Variants in CFH observed in about 807,000 individuals in gnomAD.
The protein encoded by CFH is complement factor H, also known as H factor 1 (complement).
A neutral mutation model predicts 147.3 loss-of-function variants in CFH; 53 were observed. That is an observed-to-expected ratio of 0.36 (90% CI 0.29 to 0.45). The LOEUF (loss-of-function observed/expected upper bound fraction) is 0.45. Among genes scored for constraint, CFH ranks in the 20% least tolerant of loss-of-function variants. CFH has a pLI of 1.00. For synonymous variants in CFH, 536 were observed against 489.4 expected (o/e 1.10, Z -1.26); for missense variants, 1,380 against 1,498.0 (o/e 0.92, Z 1.30).
chr1:196,668,907 T>G lies in CFH; in HGVS notation c.59-4071T>G, dbSNP rs1010402837. On this transcript the variant is annotated intron_variant, in intron 1 of 21. Coordinates refer to ENST00000367429, the MANE Select transcript of CFH (RefSeq NM_000186.4). Reference sequence around the variant, plus strand: ...GATACCTCAAAATGTGGAAGTGACTTTGGAACTGGGTAATGGGCAGAGGTT... The same window carrying G: ...GATACCTCAAAATGTGGAAGTGACTGTGGAACTGGGTAATGGGCAGAGGTT... Among the ~76,000 whole-genome samples the G allele has an allele frequency of 3.3e-5, 5 of 152,268 alleles. No individual in the cohort carries two copies. In the South Asian group the frequency reaches 1.0e-3, roughly 32 times the overall value.
chr1:196,700,259 T>G (rs1668410470), intron 9 of CFH, among the ~76,000 whole-genome samples: 1 of 152,206 alleles, frequency 6.6e-6, no homozygotes, highest in Non-Finnish European at 1.5e-5. Flanking sequence ...TGTCCTTGTT[T>G]GGTGACCTTG....
rs1444699491 is a variant in CFH at position 196,743,453 on chromosome 1, C to T, written c.3135C>T (p.Asp1045=). The T allele has an allele frequency of 6.2e-7, 1 of 1,613,758 alleles. No homozygotes were observed. Among genetic ancestry groups the T allele is most frequent in the South Asian group, 1.1e-5 (1 of 91,076 alleles). ...SRWTGRPTCR[D]TSCVNPPTVQ... ...ACCACTTCTTTTTTTTCTATTCAGA[C>T]ACCTCCTGTGTGAATCCGCCCACAG... The change falls in exon 20 of 22, where the codon GAC becomes GAT. Residue 1045 remains aspartate (D), a splice_region_variant and synonymous_variant. Coordinates refer to ENST00000367429, the MANE Select transcript of CFH (RefSeq NM_000186.4).
Position 196,726,812 on chromosome 1 carries a change from A to G in CFH, c.2108A>G (p.Gln703Arg). 6.2e-7 allele frequency: 1 copy of G among 1,613,962 alleles called. No individual in the cohort carries two copies. The highest frequency in any genetic ancestry group is 8.5e-7 in the Non-Finnish European group (1 of 1,179,886). The change falls in exon 14 of 22, where the codon CAG becomes CGG. Residue 703 changes from glutamine to arginine, a missense_variant. By Grantham distance (43) the Gln-to-Arg change is conservative. Transcript: ENST00000367429. The stretch of plus-strand genomic sequence containing the variant: ...CCTGAACTTGAACATGGCTGGGCCC[A>G]GCTTTCTTCCCCTCCTTATTACTAT... ...DIPELEHGWA[Q>R]LSSPPYYYGD...
At chr1:196,673,470 G>A in intron 2 of CFH, 1 of 395,164 alleles carries the variant, frequency 2.5e-6, no homozygotes, top group South Asian at 2.3e-5. Context: ...CCGAGTAGCT[G>A]GGACTATAGG....
chr1:196,694,046 G>T (rs1355264886), intron 9 of CFH, among the ~76,000 whole-genome samples: 1 of 151,166 alleles, frequency 6.6e-6, no homozygotes, highest in Admixed American at 6.6e-5. Context: ...GTGCAGGTTT[G>T]TTACATAAGT....
chr1:196,734,394 AT>A (rs750156976), intron 15 of CFH, among the ~76,000 whole-genome samples: 9 of 151,882 alleles, frequency 5.9e-5, no homozygotes, highest in Non-Finnish European at 1.0e-4. Flanking sequence ...CTAGCTCTTT[AT>A]TTTACCCCCA....
chr1:196,696,980 G>T (rs556938383), intron 9 of CFH, among the ~76,000 whole-genome samples: 2 of 152,104 alleles, frequency 1.3e-5, no homozygotes, highest in South Asian at 2.1e-4. Context: ...GGATCCCTTC[G>T]TTACACCTTA....
At chr1:196,661,635 A>G (rs1666909372) in intron 1 of CFH, among the ~76,000 whole-genome samples, 1 of 152,168 alleles carries the variant, frequency 6.6e-6, no homozygotes, top group Non-Finnish European at 1.5e-5. Flanking sequence ...ATCACTTCCC[A>G]GTGTCCCCAC....
intron 1 of CFH, among the ~76,000 whole-genome samples, chr1:196,654,515 A>T (rs1440470244): frequency 6.6e-6 from 1 of 152,144 alleles, no homozygotes; most frequent in Non-Finnish European, 1.5e-5. Flanking sequence ...AGTTTAAAAT[A>T]ACAGTTTCTC....
In CFH at chr1:196,737,270, A is replaced by G. The variant is rs34748127; in HGVS notation, c.2597-205A>G. ...AATCCTTGTGATGAACAAGACATGA[A>G]TGAAGATGATTATTGAACAAGAGGA... On this transcript the variant is annotated intron_variant, in intron 16 of 21. Coordinates refer to ENST00000367429, the MANE Select transcript of CFH (RefSeq NM_000186.4). Among the ~76,000 whole-genome samples the G allele has an allele frequency of 6.7e-3, 1,020 of 152,340 alleles. 8 individuals carry two copies. Among genetic ancestry groups the G allele is most frequent in the African/African-American group, 0.023 (956 of 41,590 alleles).
At chr1:196,740,495 T>A (rs550942137) in intron 17 of CFH, 124 bp from the exon 18 acceptor site, 3 of 937,160 alleles carry the variant, frequency 3.2e-6, no homozygotes, top group Non-Finnish European at 4.8e-6. Flanking sequence ...TTGTGTTACT[T>A]CTCTGTGATG....
chr1:196,746,188 G>A (rs1399399329), intron 21 of CFH, among the ~76,000 whole-genome samples, 189 bp downstream of exon 21: 1 of 152,180 alleles, frequency 6.6e-6, no homozygotes, highest in Non-Finnish European at 1.5e-5. Flanking sequence ...GCTCACACCT[G>A]TAATCCCAGC....
At chr1:196,739,990 A>T (rs1652755273) in intron 17 of CFH, among the ~76,000 whole-genome samples, 2 of 152,180 alleles carry the variant, frequency 1.3e-5, no homozygotes, top group South Asian at 4.1e-4. Context: ...TCTTCACATG[A>T]TGACAGGAAG....
intron 9 of CFH, 35 bp from the exon 10 acceptor site, chr1:196,713,700 T>G (rs1193632677): frequency 7.7e-7 from 1 of 1,303,802 alleles, no homozygotes; most frequent in African/African-American, 1.5e-5. Flanking sequence ...TTATTGATCA[T>G]ATGCTTGTCT....
At chr1:196,698,964 C>T (rs976912615) in intron 9 of CFH, among the ~76,000 whole-genome samples, 6 of 152,068 alleles carry the variant, frequency 3.9e-5, no homozygotes, top group Non-Finnish European at 8.8e-5. Context: ...ACATAATTAA[C>T]TCAATAGATG....
chr1:196,729,243 G>C (rs1053723601), intron 15 of CFH, among the ~76,000 whole-genome samples: 1 of 151,974 alleles, frequency 6.6e-6, no homozygotes, highest in Non-Finnish European at 1.5e-5. Flanking sequence ...TATGTTTAGA[G>C]TCCTTAAAGA....
intron 9 of CFH, among the ~76,000 whole-genome samples, chr1:196,696,562 T>C (rs561303557): frequency 3.9e-5 from 6 of 152,118 alleles, no homozygotes; most frequent in Non-Finnish European, 7.4e-5. Flanking sequence ...TAGAGCTTGA[T>C]GGGGATGGCA....
Position 196,685,115 on chromosome 1 carries a change from G to C in CFH, c.842G>C (p.Arg281Thr), listed in dbSNP as rs1166987232. The change falls in exon 7 of 22, where the codon AGG becomes ACG. Residue 281 changes from arginine (R) to threonine (T), a missense_variant. Physicochemically the swap from Arg to Thr is moderately conservative, Grantham distance 71 (BLOSUM62 -1). This residue lies in a region of CFH where 167 missense variants were observed against 228.0 expected (regional missense o/e 0.73). Transcript: ENST00000367429. The part of the protein sequence containing the change: ...YIPNGDYSPL[R>T]IKHRTGDEIT... The stretch of plus-strand genomic sequence containing the variant: ...CCAAATGGTGACTACTCACCTTTAA[G>C]GATTAAACACAGAACTGGAGATGAA... The C allele has an allele frequency of 6.2e-7, 1 of 1,612,542 alleles. No individual in the cohort carries two copies. Among genetic ancestry groups the C allele is most frequent in the African/African-American group, 1.3e-5 (1 of 74,870 alleles).
rs752361141 is a variant in CFH, at chr1:196,673,149, T to C, written c.230T>C (p.Leu77Ser). Residue 77 changes from leucine (L) to serine (S), a missense_variant, in exon 2 of 22, where the codon TTA becomes TCA. Coordinates refer to ENST00000367429, the MANE Select transcript of CFH (RefSeq NM_000186.4). ...RKGEWVALNPLRKCQKRPCGH... is the reference protein window; with the variant it reads ...RKGEWVALNPSRKCQKRPCGH... ...GGAGAATGGGTTGCTCTTAATCCAT[T>C]AAGGAAATGTCAGAGTAAGTACTTA... 16 of 1,613,124 alleles carry C rather than the reference T, an allele frequency of 9.9e-6. No homozygotes were observed. The East Asian group carries it at 3.3e-4, about 34-fold the overall frequency.
Sources: allele counts gnomAD v4.1 joint callset (sites outside exome capture counted in the v4.1 genomes callset), GRCh38; gene constraint gnomAD v4.1.1; regional missense constraint gnomAD v4.1.1; transcripts MANE v1.5; gene names NCBI Gene and HGNC (gene_info 2026-07-23, HGNC 2026-07-21).